ROBO1: variants seen among roughly 807,000 people sequenced by gnomAD.
ROBO1 encodes the protein roundabout guidance receptor 1.
ROBO1 carries 149 observed loss-of-function variants against 195.9 expected under a neutral mutation model. That is an observed-to-expected ratio of 0.76 (90% CI 0.67 to 0.87). The LOEUF (loss-of-function observed/expected upper bound fraction) is 0.87. Ranked by LOEUF, ROBO1 falls within the 40% of genes least tolerant of loss-of-function variation. The pLI is 0.00. For synonymous variants in ROBO1, 816 were observed against 733.2 expected, an observed-to-expected ratio of 1.11 and a Z score of -1.82; for missense variants, 1,933 against 2,068.3, an observed-to-expected ratio of 0.93 and a Z score of 1.27.
intron 2 of ROBO1, among the ~76,000 whole-genome samples, chr3:79,574,897 T>A (rs1299841039): frequency 6.6e-6 from 1 of 151,304 alleles, no homozygotes; most frequent in Non-Finnish European, 1.5e-5. Context: ...ACAAAAAAAT[T>A]ATGCTTTTTT....
chr3:78,960,797 CACACACACACACACACACA>C (rs1560051834), intron 3 of ROBO1, among the ~76,000 whole-genome samples: 2 of 145,888 alleles, frequency 1.4e-5, no homozygotes, highest in Non-Finnish European at 3.1e-5. Flanking sequence ...CACACACACA[CACACACACACACACACACA>C]CACACACACA....
intron 5 of ROBO1, among the ~76,000 whole-genome samples, chr3:78,723,372 G>T (rs1467952499): frequency 2.0e-5 from 3 of 152,090 alleles, no homozygotes; most frequent in South Asian, 4.1e-4. Context: ...CTCTATCATG[G>T]TCGCACACAA....
intron 2 of ROBO1, among the ~76,000 whole-genome samples, chr3:79,524,367 T>A (rs1041307124): frequency 1.3e-5 from 2 of 152,136 alleles, no homozygotes; most frequent in South Asian, 4.1e-4. Context: ...TGAGCCTTTC[T>A]TTAATTTTTG....
chr3:78,928,307 C>A (rs975331068), intron 4 of ROBO1, among the ~76,000 whole-genome samples: 1 of 152,072 alleles, frequency 6.6e-6, no homozygotes, highest in African/African-American at 2.4e-5. Flanking sequence ...GAACAAAACG[C>A]CTTCTAGAAC....
At chr3:79,288,717 C>T (rs773076542) in intron 2 of ROBO1, among the ~76,000 whole-genome samples, 16 of 152,126 alleles carry the variant, frequency 1.1e-4, no homozygotes, top group South Asian at 2.1e-4. Flanking sequence ...CACCCTTCTG[C>T]GCCTATATAT....
intron 4 of ROBO1, among the ~76,000 whole-genome samples, chr3:78,926,267 C>A (rs570676913): frequency 6.6e-6 from 1 of 152,246 alleles, no homozygotes; most frequent in Non-Finnish European, 1.5e-5. Context: ...AAAATTAAGA[C>A]TTTAGAAGCA....
chr3:78,870,958 A>G (rs1223256026), intron 4 of ROBO1, among the ~76,000 whole-genome samples: 1 of 152,186 alleles, frequency 6.6e-6, no homozygotes, highest in African/African-American at 2.4e-5. Flanking sequence ...TCATAAAATT[A>G]TTTTAAAGGG....
chr3:79,687,301 A>C (rs994085337), intron 1 of ROBO1, among the ~76,000 whole-genome samples: 9 of 152,116 alleles, frequency 5.9e-5, no homozygotes, highest in African/African-American at 1.4e-4. Context: ...ACCATTCAGG[A>C]CATAGGCATG....
intron 2 of ROBO1, among the ~76,000 whole-genome samples, chr3:79,361,825 GA>G (rs1488598993): frequency 6.6e-6 from 1 of 151,924 alleles, no homozygotes; most frequent in African/African-American, 2.4e-5. Flanking sequence ...CTTTTAGACA[GA>G]AAATTAATTG....
intron 4 of ROBO1, among the ~76,000 whole-genome samples, chr3:78,810,696 A>G (rs2084710651): frequency 1.3e-5 from 2 of 151,928 alleles, no homozygotes; most frequent in Admixed American, 6.6e-5. Context: ...ATCACCCTGT[A>G]AAATTTTCAC....
chr3:78,721,482 CT>C (rs1434699378), intron 5 of ROBO1, among the ~76,000 whole-genome samples: 2 of 152,136 alleles, frequency 1.3e-5, no homozygotes, highest in Non-Finnish European at 2.9e-5. Flanking sequence ...AGAATCTAAC[CT>C]TGAAGTCTCT....
intron 2 of ROBO1, among the ~76,000 whole-genome samples, chr3:79,254,323 G>C (rs981598761): frequency 2.0e-5 from 3 of 151,868 alleles, no homozygotes; most frequent in Admixed American, 1.3e-4. Context: ...TGTCTCTTTG[G>C]CTTTTTTCTT....
chr3:78,690,751 C>T (rs948529006), intron 8 of ROBO1, among the ~76,000 whole-genome samples: 2 of 151,998 alleles, frequency 1.3e-5, no homozygotes, highest in African/African-American at 4.8e-5. Flanking sequence ...ATATGACTTT[C>T]CAATATGCAG....
chr3:79,214,609 AAAAAC>A (rs1383327442), intron 2 of ROBO1, among the ~76,000 whole-genome samples: 3 of 152,042 alleles, frequency 2.0e-5, no homozygotes, highest in Non-Finnish European at 2.9e-5. Flanking sequence ...AGGGAAAAGA[AAAAAC>A]AAAAAACAAA....
chr3:79,280,888 G>C (rs1476308941), intron 2 of ROBO1, among the ~76,000 whole-genome samples: 3 of 152,182 alleles, frequency 2.0e-5, no homozygotes, highest in Non-Finnish European at 4.4e-5. Context: ...GCGGAGCTCA[G>C]TTGGTAATGC....
intron 4 of ROBO1, among the ~76,000 whole-genome samples, chr3:78,917,387 A>G (rs2038674628): frequency 6.6e-6 from 1 of 152,116 alleles, no homozygotes; most frequent in South Asian, 2.1e-4. Flanking sequence ...TTAAAAATAT[A>G]AAGTATTTTA....
chr3:79,445,339 T>C (rs1426055449), intron 2 of ROBO1, among the ~76,000 whole-genome samples: 1 of 151,956 alleles, frequency 6.6e-6, no homozygotes, highest in Non-Finnish European at 1.5e-5. Flanking sequence ...TTTATAAGAA[T>C]GAACTTGATG....
intron 5 of ROBO1, among the ~76,000 whole-genome samples, chr3:78,724,910 G>A (rs541941443): frequency 1.9e-4 from 29 of 152,234 alleles, no homozygotes; most frequent in African/African-American, 6.5e-4. Context: ...TTCTTGGCAG[G>A]TCTCTTCCTG....
At chr3:78,675,203 G>C (rs913808804) in intron 10 of ROBO1, among the ~76,000 whole-genome samples, 1 of 151,570 alleles carries the variant, frequency 6.6e-6, no homozygotes, top group Non-Finnish European at 1.5e-5. Flanking sequence ...TGGCCGAATA[G>C]GAACAGCTCC....
Sources: allele counts gnomAD v4.1 joint callset (sites outside exome capture counted in the v4.1 genomes callset), GRCh38; gene constraint gnomAD v4.1.1; transcripts MANE v1.5; gene names NCBI Gene and HGNC (gene_info 2026-07-23, HGNC 2026-07-21).